The following TBC1D22A variants were observed in gnomAD, a reference collection of about 807,000 sequenced individuals.
TBC1D22A encodes the protein TBC1 domain family member 22A.
TBC1D22A carries 38 observed loss-of-function variants against 60.2 expected under a neutral mutation model. The ratio of observed to expected loss-of-function variants is 0.63; its 90% CI spans 0.49 to 0.83. The LOEUF (loss-of-function observed/expected upper bound fraction) is 0.83, where lower values mean the gene tolerates loss of function less well. TBC1D22A is among the 40% of genes least tolerant of loss of function. The pLI is 0.00. For synonymous variants in TBC1D22A, 302 were observed against 281.7 expected, an observed-to-expected ratio of 1.07 and a Z score of -0.72; for missense variants, 628 against 701.0, an observed-to-expected ratio of 0.90 and a Z score of 1.18.
At chr22:46,965,304 G>C (rs905955587) in intron 8 of TBC1D22A, among the ~76,000 whole-genome samples, 2 of 152,350 alleles carry the variant, frequency 1.3e-5, no homozygotes, top group Non-Finnish European at 2.9e-5. Flanking sequence ...TGGGGGCGGG[G>C]TGCCCCGCCC....
At chr22:47,075,797 GAC>G (rs145664340) in intron 11 of TBC1D22A, among the ~76,000 whole-genome samples, 30 of 149,244 alleles carry the variant, frequency 2.0e-4, no homozygotes, top group Non-Finnish European at 2.4e-4. Context: ...ATTCATGATT[GAC>G]ACACACACAC....
In TBC1D22A at chr22:46,777,607, G is replaced by A. The variant is rs1445433627; in HGVS notation, c.62+14759G>A. Among the ~76,000 whole-genome samples, 1 of 152,206 alleles carries A rather than the reference G, an allele frequency of 6.6e-6. No individual in the cohort carries two copies. The highest frequency in any genetic ancestry group is 2.4e-5 in the African/African-American group (1 of 41,454). ...TGGGGAGCAGAGTTGGGAACACACA[G>A]AAGAGTCTGGGGCATGCAGAGAGGC... is the stretch of plus-strand genomic sequence containing the variant. On this transcript the variant is annotated intron_variant, in intron 1 of 12. Transcript: ENST00000337137. The surrounding 1 kb of genome is among the most constrained non-coding windows in gnomAD (Gnocchi z 4.5).
At chr22:47,006,653 T>A (rs902168974) in intron 10 of TBC1D22A, among the ~76,000 whole-genome samples, 1 of 152,208 alleles carries the variant, frequency 6.6e-6, no homozygotes, top group African/African-American at 2.4e-5. Flanking sequence ...TAATCAGCTT[T>A]GCGTTTTCTC....
rs372154735 is a variant in TBC1D22A at position 46,944,599 on chromosome 22, C to T, written c.1016-29691C>T. Among the ~76,000 whole-genome samples, 162 of 152,304 alleles carry T rather than the reference C, an allele frequency of 1.1e-3. 2 individuals are homozygous for T. The highest frequency in any genetic ancestry group is 3.4e-3 in the African/African-American group (141 of 41,560). ...ATTTTTAGTAGAGATGGGGTTTCACCGTGTTAGCCAGGATGGTCTTGATCT... is the reference window on the plus strand; with the variant it reads ...ATTTTTAGTAGAGATGGGGTTTCACTGTGTTAGCCAGGATGGTCTTGATCT... On this transcript the variant is annotated intron_variant, in intron 8 of 12. Transcript: ENST00000337137.
intron 11 of TBC1D22A, among the ~76,000 whole-genome samples, chr22:47,084,401 C>T (rs1457481093): frequency 6.6e-6 from 1 of 152,216 alleles, no homozygotes; most frequent in East Asian, 1.9e-4. Context: ...CAACAGGTTG[C>T]TGCATTTCTG....
chr22:46,820,948 C>T (rs529155115), intron 4 of TBC1D22A, among the ~76,000 whole-genome samples: 103 of 151,694 alleles, frequency 6.8e-4, no homozygotes, highest in Middle Eastern at 3.4e-3. Context: ...GTTAGCTCTT[C>T]TTGTTGAATT....
chr22:46,899,905 A>G (rs1168663844), intron 7 of TBC1D22A, among the ~76,000 whole-genome samples: 8 of 152,054 alleles, frequency 5.3e-5, no homozygotes, highest in Non-Finnish European at 1.2e-4. Flanking sequence ...GTGCTCCCCT[A>G]AAGTTTGGGC....
At chr22:47,058,809 G>A (rs774807809) in intron 11 of TBC1D22A, among the ~76,000 whole-genome samples, 2 of 152,152 alleles carry the variant, frequency 1.3e-5, no homozygotes, top group Non-Finnish European at 2.9e-5. Context: ...CTCTGTGACT[G>A]TTGGTTGAAT....
intron 4 of TBC1D22A, among the ~76,000 whole-genome samples, chr22:46,838,259 A>T (rs1262111536): frequency 6.6e-6 from 1 of 152,252 alleles, no homozygotes; most frequent in Non-Finnish European, 1.5e-5. Flanking sequence ...AAAATTGACA[A>T]ACCTTTAGCT....
intron 11 of TBC1D22A, among the ~76,000 whole-genome samples, chr22:47,038,561 G>A (rs1377513781): frequency 2.0e-5 from 3 of 152,188 alleles, no homozygotes; most frequent in Non-Finnish European, 4.4e-5. Flanking sequence ...CTGGGCCTCC[G>A]TGCTCTCCAG....
rs73480778 is a variant in TBC1D22A, at chr22:46,950,065, A to T, written c.1016-24225A>T. On this transcript the variant is annotated intron_variant, in intron 8 of 12. Coordinates refer to ENST00000337137, the MANE Select transcript of TBC1D22A (RefSeq NM_014346.5). The stretch of plus-strand genomic sequence containing the variant: ...TGGGAACGTACTGAGACTAGGTTGT[A>T]GGGAGAAGCTGGGTGGACTCCAGGA... 8.6e-3 allele frequency among the ~76,000 whole-genome samples: 1,308 copies of T among 152,322 alleles called. 10 individuals are homozygous for T. Among genetic ancestry groups the T allele is most frequent in the African/African-American group, 0.03 (1,247 of 41,558 alleles).
chr22:46,834,743 A>G (rs1406055857), intron 4 of TBC1D22A, among the ~76,000 whole-genome samples: 2 of 152,220 alleles, frequency 1.3e-5, no homozygotes, highest in African/African-American at 4.8e-5. Flanking sequence ...GCTAGTCCAC[A>G]AATTTCATAG....
intron 1 of TBC1D22A, among the ~76,000 whole-genome samples, chr22:46,786,828 A>G (rs1486484826): frequency 1.3e-5 from 2 of 152,010 alleles, no homozygotes; most frequent in Admixed American, 1.3e-4. Flanking sequence ...AGCTGGGACT[A>G]CAGGTGTGTG....
chr22:47,140,862 A>G (rs567166508), intron 12 of TBC1D22A, among the ~76,000 whole-genome samples: 1 of 152,308 alleles, frequency 6.6e-6, no homozygotes, highest in Non-Finnish European at 1.5e-5. Flanking sequence ...TGCCTCCCAC[A>G]ATCGGCAGCA....
At chr22:46,795,877 G>T (rs1404773979) in intron 3 of TBC1D22A, among the ~76,000 whole-genome samples, 1 of 152,220 alleles carries the variant, frequency 6.6e-6, no homozygotes, top group African/African-American at 2.4e-5. Flanking sequence ...GTGCACAGCT[G>T]CTCTTCCTGC....
chr22:47,138,969 G>A (rs892055356), intron 12 of TBC1D22A, among the ~76,000 whole-genome samples: 37 of 152,162 alleles, frequency 2.4e-4, no homozygotes, highest in African/African-American at 8.4e-4. Context: ...GATTTTAACC[G>A]ATGGATTGGG....
At chr22:46,799,243 A>G (rs533192967) in intron 4 of TBC1D22A, among the ~76,000 whole-genome samples, 1 of 152,284 alleles carries the variant, frequency 6.6e-6, no homozygotes, top group African/African-American at 2.4e-5. Flanking sequence ...GTTGGCATGA[A>G]TAGTGCCAAC....
At chr22:46,918,770 TG>T (rs1374538144) in intron 8 of TBC1D22A, among the ~76,000 whole-genome samples, 1 of 152,230 alleles carries the variant, frequency 6.6e-6, no homozygotes, top group Non-Finnish European at 1.5e-5. Flanking sequence ...TGAATGTTTC[TG>T]TGCTTGGGGA....
intron 12 of TBC1D22A, among the ~76,000 whole-genome samples, chr22:47,115,333 G>A (rs538583915): frequency 3.9e-5 from 6 of 152,208 alleles, no homozygotes; most frequent in South Asian, 2.1e-4. Context: ...TGCCCTGGGC[G>A]TTTCCTAATG....
Sources: gnomAD v4.1 joint callset for allele counts (sites outside exome capture counted in the v4.1 genomes callset) on GRCh38, gnomAD v4.1.1 for gene constraint, Gnocchi (gnomAD v3.1) non-coding constraint, MANE v1.5 for transcripts, NCBI Gene and HGNC (gene_info 2026-07-23, HGNC 2026-07-21) for gene names.